The following USP33 variants were observed in gnomAD, a reference collection of about 807,000 sequenced individuals.
USP33 encodes the protein ubiquitin specific peptidase 33.
USP33 carries 46 observed loss-of-function variants against 124.2 expected under a neutral mutation model. The ratio of observed to expected loss-of-function variants is 0.37; its 90% CI spans 0.29 to 0.47. USP33 has a LOEUF of 0.47. Among genes scored for constraint, USP33 ranks in the 20% least tolerant of loss-of-function variants. The pLI, the probability that USP33 is intolerant of heterozygous loss-of-function variation, is 0.99. For missense variants in USP33, 851 were observed against 1,070.6 expected (o/e 0.79, Z 2.86); for synonymous variants, 350 against 352.3 (o/e 0.99, Z 0.07).
chr1:77,727,957 G>A (rs956565013), intron 10 of USP33, among the ~76,000 whole-genome samples: 1 of 152,110 alleles, frequency 6.6e-6, no homozygotes, highest in African/African-American at 2.4e-5. Context: ...TTAGAAAATT[G>A]CAATTTGGGT....
At chr1:77,718,840 A>C (rs1676218958) in intron 15 of USP33, 199 bp from the exon 16 acceptor site, 1 of 478,816 alleles carries the variant, frequency 2.1e-6, no homozygotes, top group African/African-American at 2.0e-5. Flanking sequence ...GAGGCAGGAG[A>C]ATCACTTGAA....
chr1:77,728,234 A>G lies in USP33; in HGVS notation c.1135+61T>C, dbSNP rs1677380613. The G allele has an allele frequency of 4.1e-6, 6 of 1,462,650 alleles. 1 individual carries two copies. The South Asian group carries it at 7.0e-5, about 17-fold the overall frequency. The allele number at this position is 1,462,650 out of a possible 1,614,324, so 90.6% of individuals were successfully genotyped here. On this transcript the variant is annotated intron_variant, in intron 10 of 23. Transcript: ENST00000370794. ...GAAATACCCAAAGTAACAATTATTT[A>G]AACACCCATGTCTACAAATGAAATA...
At chr1:77,756,381 GAC>G (rs1470963598) in intron 1 of USP33, among the ~76,000 whole-genome samples, 2 of 152,040 alleles carry the variant, frequency 1.3e-5, no homozygotes, top group African/African-American at 4.8e-5. Context: ...TGCCTGTTAA[GAC>G]ACAGAGTTGA....
intron 1 of USP33, among the ~76,000 whole-genome samples, chr1:77,753,595 C>A (rs1190310570): frequency 6.6e-6 from 1 of 151,732 alleles, no homozygotes; most frequent in East Asian, 1.9e-4. Context: ...TCATAGAAAA[C>A]CTTAAAAGAA....
intron 19 of USP33, among the ~76,000 whole-genome samples, chr1:77,714,164 G>GTTTA (rs1040234890): frequency 4.6e-5 from 7 of 151,928 alleles, no homozygotes; most frequent in African/African-American, 1.7e-4. Flanking sequence ...CCATACTTGG[G>GTTTA]AAAAAAGCCA....
chr1:77,752,140 ATT>A (rs113780334), intron 1 of USP33, among the ~76,000 whole-genome samples: 1 of 139,854 alleles, frequency 7.2e-6, no homozygotes. Context: ...TATTAGTACA[ATT>A]TTTTTTTTTT....
intron 21 of USP33, among the ~76,000 whole-genome samples, chr1:77,706,185 C>T (rs1674606708): frequency 6.6e-6 from 1 of 152,076 alleles, no homozygotes; most frequent in Admixed American, 6.6e-5. Context: ...AGTGGGATTG[C>T]TGGGTCATGT....
chr1:77,729,872 C>A lies in USP33; in HGVS notation c.705G>T (p.Gly235=), dbSNP rs146048342. Residue 235 remains glycine, a synonymous_variant, in exon 9 of 24, where the codon GGG becomes GGT. Coordinates refer to ENST00000370794, the MANE Select transcript of USP33 (RefSeq NM_201624.3). ...GIKTVNPTFR[G]YSQQDAQEFL... is the part of the protein sequence containing the mutation. ...GCAATAAACTAACCTGCTGAGAATA[C>A]CCCCGAAATGTTGGATTTACAGTTT... is the stretch of plus-strand genomic sequence containing the variant. 3.7e-5 allele frequency: 60 copies of A among 1,613,376 alleles called. No individual in the cohort carries two copies. The Middle Eastern group carries it at 1.2e-3, about 31-fold the overall frequency.
Position 77,723,383 on chromosome 1 carries a change from T to G in USP33, c.1337A>C (p.Asp446Ala), listed in dbSNP as rs1676796174. 1.2e-6 allele frequency: 2 copies of G among 1,613,476 alleles called. No homozygotes were observed. Among genetic ancestry groups the G allele is most frequent in the African/African-American group, 2.7e-5 (2 of 74,928 alleles). ...QHKKYRSVISDIFDGTIISSV... is the reference protein window; with the variant it reads ...QHKKYRSVISAIFDGTIISSV... ...ACTAATGATTGTTCCATCAAATATG[T>G]CTGAAATAACACTTCTGTATTTCTT... Residue 446 changes from aspartate to alanine, a missense_variant, in exon 12 of 24, where the codon GAC (aspartate) becomes GCC (alanine). Transcript: ENST00000370794.
intron 17 of USP33, 123 bp from the exon 18 acceptor site, chr1:77,715,991 T>C (rs1675835383): frequency 9.9e-7 from 1 of 1,010,788 alleles, no homozygotes; most frequent in Non-Finnish European, 1.3e-6. Flanking sequence ...TATGCTTGTA[T>C]TTTTTTTTCA....
At chr1:77,742,614 C>A (rs1028853003) in intron 1 of USP33, among the ~76,000 whole-genome samples, 69 of 152,204 alleles carry the variant, frequency 4.5e-4, no homozygotes, top group African/African-American at 1.6e-3. Flanking sequence ...GAGTGATTTC[C>A]AAAGGTCTCA....
chr1:77,698,898 A>G (rs1291217553), intron 22 of USP33, among the ~76,000 whole-genome samples: 1 of 152,240 alleles, frequency 6.6e-6, no homozygotes, highest in Admixed American at 6.5e-5. Context: ...AAGAAATTAT[A>G]CAATTAATTT....
At chr1:77,729,437 G>A (rs1677546272) in intron 9 of USP33, among the ~76,000 whole-genome samples, 2 of 151,400 alleles carry the variant, frequency 1.3e-5, no homozygotes, top group Admixed American at 6.6e-5. Context: ...GTGGGAGGCC[G>A]AGGAGGGTGG....
intron 1 of USP33, among the ~76,000 whole-genome samples, chr1:77,747,392 C>T (rs755488882): frequency 5.3e-5 from 8 of 151,950 alleles, no homozygotes; most frequent in Non-Finnish European, 1.0e-4. Flanking sequence ...GCAGCTAGGA[C>T]TACAGGTGTG....
At chr1:77,737,123 C>G (rs940412409) in intron 5 of USP33, among the ~76,000 whole-genome samples, 1 of 151,864 alleles carries the variant, frequency 6.6e-6, no homozygotes, top group Non-Finnish European at 1.5e-5. Flanking sequence ...TGAAAGTTCT[C>G]TTGTAATATC....
chr1:77,705,200 TA>T (rs1389344957), intron 21 of USP33, among the ~76,000 whole-genome samples: 1 of 151,868 alleles, frequency 6.6e-6, no homozygotes, highest in Non-Finnish European at 1.5e-5. Context: ...TTTTATTTTT[TA>T]TTTTTTTTTT....
At chr1:77,743,974 A>G (rs1198020994) in intron 1 of USP33, among the ~76,000 whole-genome samples, 2 of 152,064 alleles carry the variant, frequency 1.3e-5, no homozygotes, top group Admixed American at 6.6e-5. Flanking sequence ...GAATACAAAC[A>G]TTAGCTGGGC....
At chr1:77,703,960 A>G (rs1674328391) in intron 21 of USP33, among the ~76,000 whole-genome samples, 2 of 152,218 alleles carry the variant, frequency 1.3e-5, no homozygotes, top group South Asian at 4.2e-4. Flanking sequence ...TCAAGGCTGC[A>G]AAATTAACTG....
intron 15 of USP33, 90 bp from the exon 16 acceptor site, chr1:77,718,731 T>G: frequency 3.0e-6 from 3 of 1,015,748 alleles, no homozygotes; most frequent in Admixed American, 2.1e-5. Context: ...AATGCAGAGA[T>G]CCAGCCTGGC....
Sources: allele counts gnomAD v4.1 joint callset (sites outside exome capture counted in the v4.1 genomes callset), GRCh38; gene constraint gnomAD v4.1.1; transcripts MANE v1.5; gene names NCBI Gene and HGNC (gene_info 2026-07-23, HGNC 2026-07-21).